CCT6A: variants seen among roughly 807,000 people sequenced by gnomAD.
CCT6A encodes chaperonin containing TCP1 subunit 6A, also known as T-complex protein 1 subunit zeta.
Under a neutral mutation model 58.6 loss-of-function variants are expected in CCT6A, and 6 were observed. That is an observed-to-expected ratio of 0.10 (90% CI 0.06 to 0.20). The LOEUF is 0.20. Ranked by LOEUF, CCT6A falls within the 10% of genes least tolerant of loss-of-function variation. The probability of loss-of-function intolerance (pLI) is 1.00; values close to 1 mark genes in which losing one functional copy is unlikely to be tolerated. For synonymous variants in CCT6A, 245 were observed against 227.8 expected (o/e 1.08, Z -0.68); for missense variants, 516 against 648.8 (o/e 0.80, Z 2.22).
At chr7:56,052,334 T>C (rs1253117698) in intron 1 of CCT6A, 88 bp from the exon 2 acceptor site, 1 of 1,241,200 alleles carries the variant, frequency 8.1e-7, no homozygotes, top group Non-Finnish European at 1.2e-6. Flanking sequence ...CCTGGCTCCC[T>C]AAAATCTGGG....
chr7:56,061,025 A>AT (rs1794420726), intron 11 of CCT6A, 85 bp downstream of exon 11: 3 of 1,424,474 alleles, frequency 2.1e-6, no homozygotes, highest in Admixed American at 5.0e-5. Flanking sequence ...CATAAAGTGG[A>AT]TTTTGGATAA....
chr7:56,060,484 T>C, intron 10 of CCT6A, 68 bp downstream of exon 10: 1 of 1,517,086 alleles, frequency 6.6e-7, no homozygotes, highest in Non-Finnish European at 9.2e-7. Context: ...GGCCGAATAC[T>C]GTGTTTTTAT....
Position 56,063,180 on chromosome 7 carries a change from A to G in CCT6A, c.*95A>G, listed in dbSNP as rs1434614542. ...TTTGTCCAAGCTTCAAATAATTTTG[A>G]AAGAAATTTTCCCATATGAAAAAAG... On this transcript the variant is annotated 3_prime_UTR_variant, in exon 14 of 14. Transcript: ENST00000275603. 1.1e-6 allele frequency: 1 copy of G among 882,480 alleles called. No individual in the cohort carries two copies. The highest frequency in any genetic ancestry group is 1.7e-5 in the African/African-American group (1 of 60,020). The allele number at this position is 882,480 out of a possible 1,614,324, so 54.7% of individuals were successfully genotyped here.
chr7:56,061,385 T>G (rs1469407941), intron 11 of CCT6A, among the ~76,000 whole-genome samples: 2 of 151,352 alleles, frequency 1.3e-5, no homozygotes, highest in East Asian at 3.9e-4. Flanking sequence ...TTTTTTTTTT[T>G]TTTTTTTTTG....
chr7:56,056,850 A>C (rs1794319412), intron 5 of CCT6A, among the ~76,000 whole-genome samples: 1 of 147,554 alleles, frequency 6.8e-6, no homozygotes, highest in African/African-American at 2.5e-5. Context: ...CCTGGAGTGT[A>C]CAGTGGCATG....
Position 56,058,467 on chromosome 7 carries a change from G to T in CCT6A, c.831G>T (p.Leu277=), listed in dbSNP as rs754238577. The change falls in exon 7 of 14, where the codon CTG becomes CTT. Residue 277 remains leucine, a synonymous_variant. Transcript: ENST00000275603. Reference sequence around the variant, plus strand: ...ATAGGGTTAAAAAAATAATAGAACTGAAAAGGAAAGTCTGTGGCGATTCAG... The same window carrying T: ...ATAGGGTTAAAAAAATAATAGAACTTAAAAGGAAAGTCTGTGGCGATTCAG... The part of the protein sequence containing the change: ...IEDRVKKIIE[L]KRKVCGDSDK... The T allele has an allele frequency of 1.2e-6, 2 of 1,600,178 alleles. No homozygotes were observed. Among genetic ancestry groups the T allele is most frequent in the African/African-American group, 2.7e-5 (2 of 73,920 alleles).
Position 56,063,313 on chromosome 7 carries a change from G to A in CCT6A, c.*228G>A. ...AAGCAGGTCTTTTATCCAGTGAACA[G>A]GATGTTTTGCTTTAGCAGCAGTGAC... is the stretch of plus-strand genomic sequence containing the variant. On this transcript the variant is annotated 3_prime_UTR_variant, in exon 14 of 14. Coordinates refer to ENST00000275603, the MANE Select transcript of CCT6A (RefSeq NM_001762.4). 2 of 532,816 alleles carry A rather than the reference G, an allele frequency of 3.8e-6. No individual in the cohort carries two copies. The allele number at this position is 532,816 out of a possible 1,614,324, so 33.0% of individuals were successfully genotyped here. A position where few individuals can be genotyped will look rare whatever the true frequency, so the allele number is the denominator to read the frequency against.
intron 8 of CCT6A, 69 bp from the exon 9 acceptor site, chr7:56,059,475 A>G: frequency 1.2e-6 from 1 of 810,146 alleles, no homozygotes. Flanking sequence ...CTTCCTAAAA[A>G]TTACTGGTCT....
In CCT6A at chr7:56,060,976, T is replaced by C. The variant is rs372785410; in HGVS notation, c.1347+36T>C. The C allele has an allele frequency of 2.7e-5, 43 of 1,567,268 alleles. No homozygotes were observed. The African/African-American group carries it at 5.3e-4, about 19-fold the overall frequency. On this transcript the variant is annotated intron_variant, in intron 11 of 13. Transcript: ENST00000275603. ...TTTTAACAGTCAATCTTCCAAAAGA[T>C]TCAGCTGATCAAACCTTTCTGATAA...
At position 56,051,782 on chromosome 7, in the gene CCT6A, C is replaced by T. The variant is rs535381274; in HGVS notation, c.-67C>T. 41 of 1,528,526 alleles carry T rather than the reference C, an allele frequency of 2.7e-5. No homozygotes were observed. In the East Asian group the frequency reaches 4.4e-4, roughly 16 times the overall value. 94.7% of individuals were successfully genotyped at this position (1,528,526 alleles called of 1,614,324 possible). On this transcript the variant is annotated 5_prime_UTR_variant, in exon 1 of 14. Transcript: ENST00000275603. ...ACTTTTCCAGAAGACCCGGATAGTT[C>T]CTCCCGGCCACGCCGCGCCGGCTCT...
At position 56,060,903 on chromosome 7, in the gene CCT6A, T is replaced by C. The variant is rs1198748570; in HGVS notation, c.1310T>C (p.Val437Ala). 1 of 1,612,726 alleles carries C rather than the reference T, an allele frequency of 6.2e-7. No individual in the cohort carries two copies. Among genetic ancestry groups the C allele is most frequent in the African/African-American group, 1.3e-5 (1 of 74,818 alleles). The part of the protein sequence containing the change: ...PSVKGRAQLG[V>A]QAFADALLII... ...GTAAAGGGCAGGGCACAGCTTGGAG[T>C]CCAAGCATTTGCTGATGCATTGCTC... is the stretch of plus-strand genomic sequence containing the variant. Residue 437 changes from valine (V) to alanine (A), a missense_variant, in exon 11 of 14, where the codon GTC becomes GCC. Transcript: ENST00000275603.
chr7:56,058,721 T>G lies in CCT6A; in HGVS notation c.968+19T>G, dbSNP rs1452574156. 7.1e-7 allele frequency: 1 copy of G among 1,401,226 alleles called. No homozygotes were observed. Among genetic ancestry groups the G allele is most frequent in the African/African-American group, 1.4e-5 (1 of 70,054 alleles). The allele number at this position is 1,401,226 out of a possible 1,614,324, so 86.8% of individuals were successfully genotyped here. A position where few individuals can be genotyped will look rare whatever the true frequency, so the allele number is the denominator to read the frequency against. On this transcript the variant is annotated intron_variant, in intron 8 of 13. Coordinates refer to ENST00000275603, the MANE Select transcript of CCT6A (RefSeq NM_001762.4). ...TGGAGAGGTATCCGAGTAATTTGACTTTTACTCATTTTGCAAGTGAATTGG... is the reference window on the plus strand; with the variant it reads ...TGGAGAGGTATCCGAGTAATTTGACGTTTACTCATTTTGCAAGTGAATTGG...
intron 3 of CCT6A, 34 bp from the exon 4 acceptor site, chr7:56,055,590 T>C (rs1452317892): frequency 6.5e-7 from 1 of 1,541,742 alleles, no homozygotes; most frequent in African/African-American, 1.4e-5. Context: ...TGCACCTAAT[T>C]GAAGATGCAA....
chr7:56,060,330 T>A lies in CCT6A; in HGVS notation c.1127T>A (p.Ile376Asn), dbSNP rs566507599. The A allele has an allele frequency of 1.2e-6, 2 of 1,613,970 alleles. No individual in the cohort carries two copies. Among genetic ancestry groups the A allele is most frequent in the South Asian group, 2.2e-5 (2 of 91,080 alleles). ...CNNPRSVTLL[I>N]KGPNKHTLTQ... is the part of the protein sequence containing the mutation. ...AACCCTCGTTCTGTCACATTATTGA[T>A]CAAAGGACCAAATAAGCACACACTC... is the stretch of plus-strand genomic sequence containing the variant. The change falls in exon 10 of 14, where the codon ATC becomes AAC. Residue 376 changes from isoleucine to asparagine, a missense_variant. By Grantham distance (149) the Ile-to-Asn change is moderately radical. Coordinates refer to ENST00000275603, the MANE Select transcript of CCT6A (RefSeq NM_001762.4).
In CCT6A at chr7:56,060,434, T is replaced by C. The variant is rs1455529936; in HGVS notation, c.1213+18T>C. 6.2e-7 allele frequency: 1 copy of C among 1,612,790 alleles called. No homozygotes were observed. The highest frequency in any genetic ancestry group is 8.5e-7 in the Non-Finnish European group (1 of 1,178,924). On this transcript the variant is annotated intron_variant, in intron 10 of 13. Transcript: ENST00000275603. ...TGATGATGGTAAGATCCTCACTGTA[T>C]TTCAATTCTTTTATATTGTTTTGCT...
chr7:56,060,519 A>AT (rs1438971973), intron 10 of CCT6A, 103 bp downstream of exon 10: 1 of 1,243,996 alleles, frequency 8.0e-7, no homozygotes, highest in Non-Finnish European at 1.2e-6. Context: ...GCCAGACACC[A>AT]TGCAAAAGCA....
At chr7:56,058,256 G>A in intron 6 of CCT6A, 106 bp from the exon 7 acceptor site, 1 of 906,064 alleles carries the variant, frequency 1.1e-6, no homozygotes. Flanking sequence ...TGCATAAGGG[G>A]CAGGATTGGA....
chr7:56,057,361 G>GGTGTGT (rs55848963), intron 5 of CCT6A, among the ~76,000 whole-genome samples: 9 of 150,766 alleles, frequency 6.0e-5, no homozygotes, highest in South Asian at 2.1e-4. Flanking sequence ...TTCCCTTTGG[G>GGTGTGT]GTGTGTGTGT....
chr7:56,060,961 C>T (rs1447384286), intron 11 of CCT6A, 21 bp downstream of exon 11: 2 of 1,576,798 alleles, frequency 1.3e-6, no homozygotes, highest in Non-Finnish European at 8.6e-7. Flanking sequence ...TTTTAACAGT[C>T]AATCTTCCAA....
Sources: allele counts gnomAD v4.1 joint callset (sites outside exome capture counted in the v4.1 genomes callset), GRCh38; gene constraint gnomAD v4.1.1; transcripts MANE v1.5; gene names NCBI Gene and HGNC (gene_info 2026-07-23, HGNC 2026-07-21).